Variants in FNDC3B observed in about 807,000 individuals in gnomAD.
FNDC3B encodes fibronectin type III domain containing 3B.
A neutral mutation model predicts 151.5 loss-of-function variants in FNDC3B; 12 were observed. That is an observed-to-expected ratio of 0.08 (90% CI 0.05 to 0.13). FNDC3B has a LOEUF of 0.13. Among genes scored for constraint, FNDC3B ranks in the 10% least tolerant of loss-of-function variants. The probability of loss-of-function intolerance (pLI) is 1.00; values close to 1 mark genes in which losing one functional copy is unlikely to be tolerated. For synonymous variants in FNDC3B, 528 were observed against 549.0 expected (o/e 0.96, Z 0.54); for missense variants, 1,214 against 1,505.3 (o/e 0.81, Z 3.20).
chr3:172,151,826 T>C (rs1722239165), intron 3 of FNDC3B, among the ~76,000 whole-genome samples: 2 of 152,320 alleles, frequency 1.3e-5, no homozygotes, highest in African/African-American at 4.8e-5. Context: ...GTTACAGCAT[T>C]GATGAGGGGA....
intron 1 of FNDC3B, among the ~76,000 whole-genome samples, chr3:172,072,039 G>A (rs913167186): frequency 2.0e-5 from 3 of 151,020 alleles, no homozygotes; most frequent in Non-Finnish European, 4.4e-5. Context: ...AATACTAGTA[G>A]TTCATATGTC....
intron 6 of FNDC3B, among the ~76,000 whole-genome samples, chr3:172,264,093 C>T (rs1420261467): frequency 6.6e-6 from 1 of 152,114 alleles, no homozygotes; most frequent in African/African-American, 2.4e-5. Context: ...CTCAAACAAT[C>T]CTCCTGTCTC....
At chr3:172,183,555 A>G (rs909495422) in intron 3 of FNDC3B, among the ~76,000 whole-genome samples, 2 of 152,196 alleles carry the variant, frequency 1.3e-5, no homozygotes, top group African/African-American at 4.8e-5. Flanking sequence ...AAGAAAATTC[A>G]ATCCGTTTTG....
chr3:172,251,511 A>G lies in FNDC3B; in HGVS notation c.760A>G (p.Ser254Gly). The change falls in exon 6 of 26, where the codon AGC (serine) becomes GGC (glycine). Residue 254 changes from serine (S) to glycine (G), a missense_variant. By Grantham distance (56) the Ser-to-Gly change is moderately conservative. Around this residue, in one of 7 missense-constraint regions of FNDC3B, gnomAD observed 166 missense variants for 173.2 expected, o/e 0.96. Transcript: ENST00000415807. Reference protein sequence around the residue: ...IKKTERRARSSPKSNDSDLQE... With the variant: ...IKKTERRARSGPKSNDSDLQE... ...GAAAACAGAGCGACGAGCAAGAAGC[A>G]GCCCAAAGTCGAATGATTCAGACTT... 1 of 1,613,742 alleles carries G rather than the reference A, an allele frequency of 6.2e-7. No homozygotes were observed. Among genetic ancestry groups the G allele is most frequent in the East Asian group, 2.2e-5 (1 of 44,876 alleles).
chr3:172,184,827 A>G (rs1724090108), intron 3 of FNDC3B, among the ~76,000 whole-genome samples: 1 of 152,190 alleles, frequency 6.6e-6, no homozygotes, highest in African/African-American at 2.4e-5. Context: ...GGTGGGGAGC[A>G]AGAATCCCTA....
chr3:172,369,986 T>A (rs950942969), intron 23 of FNDC3B, among the ~76,000 whole-genome samples: 7 of 152,160 alleles, frequency 4.6e-5, no homozygotes, highest in Non-Finnish European at 8.8e-5. Context: ...ATGTCATTTT[T>A]AATGAATATT....
At position 172,247,548 on chromosome 3, in the gene FNDC3B, A is replaced by G. The variant is rs1185464693; in HGVS notation, c.280A>G (p.Thr94Ala). Residue 94 changes from threonine to alanine, a missense_variant, in exon 5 of 26, where the codon ACT (threonine) becomes GCT (alanine). By Grantham distance (58) the Thr-to-Ala change is moderately conservative. This residue lies in a region of FNDC3B where 113 missense variants were observed against 177.8 expected (regional missense o/e 0.64). Coordinates refer to ENST00000415807, the MANE Select transcript of FNDC3B (RefSeq NM_022763.4). ...GYISQVIEDSTGVRRVVVTPQ... is the reference protein window; with the variant it reads ...GYISQVIEDSAGVRRVVVTPQ... ...TTTTCTTTAGGTGATTGAAGATAGT[A>G]CTGGAGTCCGCCGGGTGGTGGTCAC... 8 of 1,613,914 alleles carry G rather than the reference A, an allele frequency of 5.0e-6. No homozygotes were observed. The highest frequency in any genetic ancestry group is 2.2e-5 in the East Asian group (1 of 44,896).
chr3:172,365,821 C>T (rs548274427), intron 23 of FNDC3B, among the ~76,000 whole-genome samples: 15 of 152,272 alleles, frequency 9.9e-5, no homozygotes, highest in Non-Finnish European at 1.8e-4. Flanking sequence ...TATTTTGTAA[C>T]AGAAGAAAAA....
intron 2 of FNDC3B, among the ~76,000 whole-genome samples, chr3:172,119,863 C>A (rs866834277): frequency 6.6e-6 from 1 of 152,168 alleles, no homozygotes; most frequent in Non-Finnish European, 1.5e-5. Context: ...AAGCACCCCC[C>A]ACAACCAGAT....
chr3:172,231,808 T>C (rs1174952884), intron 4 of FNDC3B, among the ~76,000 whole-genome samples: 2 of 151,970 alleles, frequency 1.3e-5, no homozygotes, highest in African/African-American at 4.8e-5. Flanking sequence ...TGTGGGTGTG[T>C]GTTGTGCCTA....
At chr3:172,090,212 CTT>C (rs1364231957) in intron 1 of FNDC3B, among the ~76,000 whole-genome samples, 1 of 152,132 alleles carries the variant, frequency 6.6e-6, no homozygotes, top group East Asian at 1.9e-4. Flanking sequence ...ACTGAGAAAA[CTT>C]GAGCAGGCAG....
chr3:172,368,968 G>A (rs796129400), intron 23 of FNDC3B, among the ~76,000 whole-genome samples: 11 of 152,250 alleles, frequency 7.2e-5, no homozygotes, highest in Admixed American at 2.6e-4. Flanking sequence ...CCAAGATCAC[G>A]CCACTGTACT....
intron 23 of FNDC3B, among the ~76,000 whole-genome samples, chr3:172,377,248 A>G (rs1000974476): frequency 6.6e-6 from 1 of 152,318 alleles, no homozygotes; most frequent in African/African-American, 2.4e-5. Flanking sequence ...TGTAGAATCC[A>G]TTGGCCTGTC....
intron 1 of FNDC3B, among the ~76,000 whole-genome samples, chr3:172,091,016 AG>A (rs1188863320): frequency 6.6e-6 from 1 of 152,168 alleles, no homozygotes; most frequent in Admixed American, 6.5e-5. Context: ...TGAAACACCT[AG>A]GGTCCCAAGC....
intron 3 of FNDC3B, among the ~76,000 whole-genome samples, chr3:172,214,151 A>T: frequency 6.6e-6 from 1 of 152,108 alleles, no homozygotes; most frequent in East Asian, 1.9e-4. Flanking sequence ...GACGCCAAAC[A>T]CTTCAGAGGT....
intron 3 of FNDC3B, among the ~76,000 whole-genome samples, chr3:172,178,523 T>G (rs527863267): frequency 6.6e-6 from 1 of 152,346 alleles, no homozygotes; most frequent in East Asian, 1.9e-4. Flanking sequence ...TTCCATATTG[T>G]AAGACACTCA....
chr3:172,348,972 A>T (rs2108318984), intron 21 of FNDC3B, among the ~76,000 whole-genome samples: 2 of 152,272 alleles, frequency 1.3e-5, no homozygotes, highest in South Asian at 4.2e-4. Flanking sequence ...AAACCCCAAT[A>T]TTTTTTGAAT....
rs1165544273 is a variant in FNDC3B, at chr3:172,197,212, AAAT to A, written c.188-29652_188-29650del. Among the ~76,000 whole-genome samples the A allele has an allele frequency of 8.5e-5, 13 of 152,186 alleles. No homozygotes were observed. In the East Asian group the frequency reaches 2.5e-3, roughly 29 times the overall value. On this transcript the variant is annotated intron_variant, in intron 3 of 25. Coordinates refer to ENST00000415807, the MANE Select transcript of FNDC3B (RefSeq NM_022763.4). ...AAATAAAATAAAATAAAGTAAAATA[AAAT>A]AATAATTATTTAAAATGTTTGAAAC...
intron 3 of FNDC3B, among the ~76,000 whole-genome samples, chr3:172,213,065 T>C (rs1424492974): frequency 1.3e-5 from 2 of 152,212 alleles, no homozygotes; most frequent in African/African-American, 4.8e-5. Flanking sequence ...TTTTTCTTTT[T>C]CTTCCATGTT....
Sources: allele counts gnomAD v4.1 joint callset (sites outside exome capture counted in the v4.1 genomes callset), GRCh38; gene constraint gnomAD v4.1.1; regional missense constraint gnomAD v4.1.1; transcripts MANE v1.5; gene names NCBI Gene and HGNC (gene_info 2026-07-23, HGNC 2026-07-21).